PARP4: variants seen among roughly 807,000 people sequenced by gnomAD.
PARP4 encodes the protein poly(ADP-ribose) polymerase family member 4.
PARP4 carries 120 observed loss-of-function variants against 187.7 expected under a neutral mutation model. The observed-to-expected ratio is 0.64, with a 90% confidence interval of 0.55 to 0.74. PARP4 has a LOEUF of 0.74. Among genes scored for constraint, PARP4 ranks in the 30% least tolerant of loss-of-function variants. The pLI is 0.00. For synonymous variants in PARP4, 654 were observed against 740.9 expected (o/e 0.88, Z 1.90); for missense variants, 1,836 against 2,070.5 (o/e 0.89, Z 2.20).
intron 32 of PARP4, 24 bp from the exon 33 acceptor site, chr13:24,426,622 A>G (rs1870064435): frequency 6.2e-7 from 1 of 1,603,226 alleles, no homozygotes; most frequent in Middle Eastern, 2.1e-4. Flanking sequence ...AACTCCGTTA[A>G]GTCTGTTGGA....
chr13:24,465,587 A>C (rs1566004231), intron 17 of PARP4, among the ~76,000 whole-genome samples: 1 of 152,196 alleles, frequency 6.6e-6, no homozygotes, highest in Non-Finnish European at 1.5e-5. Flanking sequence ...ACATGGACAC[A>C]GGGAGGGAAA....
chr13:24,435,274 C>T lies in PARP4; in HGVS notation c.3867G>A (p.Trp1289Ter). The change falls in exon 31 of 34, where the codon TGG becomes TGA. Residue 1289 changes from tryptophan (W) to a stop codon, truncating the protein, a stop_gained. Coordinates refer to ENST00000381989, the MANE Select transcript of PARP4 (RefSeq NM_006437.4). LOFTEE classifies it high-confidence loss of function. ...TTGCTGTTGGTTTACATGACTCTGTCCAACTTAAATCCAATAGCTTTTCCA... is the reference window on the plus strand; with the variant it reads ...TTGCTGTTGGTTTACATGACTCTGTTCAACTTAAATCCAATAGCTTTTCCA... ...GGVEKLLDLS[W>*]TESCKPTATE... 1 of 1,613,448 alleles carries T rather than the reference C, an allele frequency of 6.2e-7. No individual in the cohort carries two copies. Among genetic ancestry groups the T allele is most frequent in the East Asian group, 2.2e-5 (1 of 44,878 alleles).
At position 24,484,768 on chromosome 13, in the gene PARP4, A is replaced by T. The variant is rs755640916; in HGVS notation, c.1353-20T>A. On this transcript the variant is annotated intron_variant, in intron 11 of 33. Coordinates refer to ENST00000381989, the MANE Select transcript of PARP4 (RefSeq NM_006437.4). ...AACCCTCTGAAAAGAGAAGGGCAGG[A>T]TAAGGTGTAAGCCCAACACTGACTG... The T allele has an allele frequency of 1.4e-6, 2 of 1,449,602 alleles. No homozygotes were observed. Among genetic ancestry groups the T allele is most frequent in the African/African-American group, 1.4e-5 (1 of 71,930 alleles). The allele number at this position is 1,449,602 out of a possible 1,614,324, so 89.8% of individuals were successfully genotyped here.
intron 27 of PARP4, among the ~76,000 whole-genome samples, chr13:24,443,942 C>T (rs1157399926): frequency 6.6e-6 from 1 of 152,212 alleles, no homozygotes; most frequent in Non-Finnish European, 1.5e-5. Flanking sequence ...CTGAAAAGTT[C>T]CTGTGTGCCC....
At position 24,426,684 on chromosome 13, in the gene PARP4, C is replaced by T. The variant is rs1870067158; in HGVS notation, c.4847-86G>A. 6 of 1,130,004 alleles carry T rather than the reference C, an allele frequency of 5.3e-6. No homozygotes were observed. The South Asian group carries it at 5.7e-5, about 11-fold the overall frequency. The allele number at this position is 1,130,004 out of a possible 1,614,324, so 70.0% of individuals were successfully genotyped here. On this transcript the variant is annotated intron_variant, in intron 32 of 33. Transcript: ENST00000381989. ...TTATAAAATTCTCATTAAAGAATTA[C>T]AATACGCCATCTGGCTAACACAATG... is the stretch of plus-strand genomic sequence containing the variant.
At chr13:24,481,698 A>G (rs1433215633) in intron 12 of PARP4, among the ~76,000 whole-genome samples, 2 of 151,960 alleles carry the variant, frequency 1.3e-5, no homozygotes, top group Non-Finnish European at 2.9e-5. Context: ...ATCTCAAAAA[A>G]GAAAAAAAGA....
intron 32 of PARP4, among the ~76,000 whole-genome samples, chr13:24,430,517 A>G (rs7327285): frequency 0.94 from 140,251 of 149,690 alleles, 65,843 homozygotes; most frequent in East Asian, 0.99. Context: ...AGTCAGGCAT[A>G]GTGGCAGGTG....
chr13:24,425,571 A>G (rs867756956), intron 33 of PARP4, among the ~76,000 whole-genome samples: 2,648 of 103,118 alleles, frequency 0.026, 80 homozygotes, highest in African/African-American at 0.1. Flanking sequence ...GTGTGTGTGT[A>G]TATCTATATC....
chr13:24,460,541 A>C (rs1342841223), intron 17 of PARP4, among the ~76,000 whole-genome samples: 1 of 147,992 alleles, frequency 6.8e-6, no homozygotes, highest in Non-Finnish European at 1.5e-5. Context: ...GATGGCCTCC[A>C]CAAAGCCCTT....
In PARP4 at chr13:24,498,020, G is replaced by A. The variant is rs866678598; in HGVS notation, c.591+96C>T. ...AATAGCAGCCTGAGCTAAGACAACA[G>A]GTAAGAAGAAAAAGGTTGGGAGGTC... On this transcript the variant is annotated intron_variant, in intron 6 of 33. Transcript: ENST00000381989. 11 of 772,370 alleles carry A rather than the reference G, an allele frequency of 1.4e-5. 1 individual carries two copies. In the Middle Eastern group the frequency reaches 2.6e-3, roughly 180 times the overall value. The allele number at this position is 772,370 out of a possible 1,614,324, so 47.8% of individuals were successfully genotyped here. A position where few individuals can be genotyped will look rare whatever the true frequency, so the allele number is the denominator to read the frequency against.
chr13:24,469,970 T>C lies in PARP4; in HGVS notation c.1970A>G (p.Tyr657Cys), dbSNP rs745319520. The C allele has an allele frequency of 1.9e-6, 3 of 1,613,792 alleles. No individual in the cohort carries two copies. The highest frequency in any genetic ancestry group is 1.7e-6 in the Non-Finnish European group (2 of 1,179,794). Reference protein sequence around the residue: ...NKSHVPIEAKYIFPLDDKAAV... With the variant: ...NKSHVPIEAKCIFPLDDKAAV... ...GGCCTTGTCATCCAAAGGAAAGATA[T>C]ATTTTGCCTCAATGGGCACGTGACT... Residue 657 changes from tyrosine to cysteine, a missense_variant, in exon 16 of 34, where the codon TAT (tyrosine) becomes TGT (cysteine). Tyr to Cys is a radical substitution (Grantham distance 194). Around this residue, in one of 8 missense-constraint regions of PARP4, gnomAD observed 1,147 missense variants for 1,214.2 expected, o/e 0.94. Coordinates refer to ENST00000381989, the MANE Select transcript of PARP4 (RefSeq NM_006437.4).
At chr13:24,461,647 T>C (rs900445059) in intron 17 of PARP4, among the ~76,000 whole-genome samples, 4 of 152,066 alleles carry the variant, frequency 2.6e-5, no homozygotes, top group Admixed American at 1.3e-4. Flanking sequence ...CTGGGCCCAC[T>C]GGAAAGGCTG....
Position 24,492,529 on chromosome 13 carries a change from C to T in PARP4, c.945G>A (p.Glu315=). The T allele has an allele frequency of 6.2e-7, 1 of 1,614,022 alleles. No individual in the cohort carries two copies. Among genetic ancestry groups the T allele is most frequent in the Non-Finnish European group, 8.5e-7 (1 of 1,179,896 alleles). ...ACTCTGTCATCATCTTTTGCAATTG[C>T]TCTGCTGTTTCTCCATTTTTCAGTG... ...KAALKNGETA[E]QLQKMMTEFY... The change falls in exon 9 of 34, where the codon GAG becomes GAA. Residue 315 remains glutamate, a synonymous_variant. Coordinates refer to ENST00000381989, the MANE Select transcript of PARP4 (RefSeq NM_006437.4).
intron 2 of PARP4, among the ~76,000 whole-genome samples, chr13:24,503,352 T>C (rs1460762213): frequency 2.0e-5 from 3 of 152,224 alleles, no homozygotes; most frequent in Non-Finnish European, 2.9e-5. Flanking sequence ...CAAGAATAGA[T>C]ATGGCTGGTC....
At chr13:24,455,733 T>C (rs1262152891) in intron 21 of PARP4, among the ~76,000 whole-genome samples, 1 of 150,208 alleles carries the variant, frequency 6.7e-6, no homozygotes, top group Non-Finnish European at 1.5e-5. Flanking sequence ...TCGCCCTGTC[T>C]TAGCCTCCTG....
At chr13:24,462,347 GGA>G (rs746131074) in intron 17 of PARP4, among the ~76,000 whole-genome samples, 26 of 152,120 alleles carry the variant, frequency 1.7e-4, no homozygotes, top group Non-Finnish European at 3.5e-4. Flanking sequence ...AATTTGAGAC[GGA>G]GAGTAATAAT....
At chr13:24,426,913 A>G (rs1360995703) in intron 32 of PARP4, among the ~76,000 whole-genome samples, 9 of 145,382 alleles carry the variant, frequency 6.2e-5, no homozygotes, top group Non-Finnish European at 1.2e-4. Context: ...AAAAAAAAAA[A>G]AAAAGAATTA....
At chr13:24,488,649 C>T (rs1228858747) in intron 10 of PARP4, among the ~76,000 whole-genome samples, 1 of 151,910 alleles carries the variant, frequency 6.6e-6, no homozygotes, top group African/African-American at 2.4e-5. Flanking sequence ...CCACCATGCC[C>T]GGCCCGGACT....
At chr13:24,466,454 T>C (rs924300121) in intron 17 of PARP4, among the ~76,000 whole-genome samples, 2 of 152,162 alleles carry the variant, frequency 1.3e-5, no homozygotes, top group African/African-American at 4.8e-5. Flanking sequence ...GTGTTAGGAT[T>C]ACAGGTATGA....
Sources: gnomAD v4.1 joint callset for allele counts (sites outside exome capture counted in the v4.1 genomes callset) on GRCh38, gnomAD v4.1.1 for gene constraint, gnomAD v4.1.1 regional missense constraint, MANE v1.5 for transcripts, NCBI Gene and HGNC (gene_info 2026-07-23, HGNC 2026-07-21) for gene names.